The following PPFIA2 variants were observed in gnomAD, a reference collection of about 807,000 sequenced individuals.
PPFIA2 encodes the protein PPFI scaffold protein A2, also known as liprin-alpha-2.
A neutral mutation model predicts 175.5 loss-of-function variants in PPFIA2; 46 were observed. The ratio of observed to expected loss-of-function variants is 0.26; its 90% CI spans 0.21 to 0.34. The LOEUF (loss-of-function observed/expected upper bound fraction) is 0.34. PPFIA2 is among the 10% of genes least tolerant of loss of function. The pLI is 1.00. For missense variants in PPFIA2, 1,179 were observed against 1,506.1 expected (o/e 0.78, Z 3.60); for synonymous variants, 568 against 511.4 (o/e 1.11, Z -1.49).
chr12:81,536,675 CAATT>C (rs2065430028), intron 4 of PPFIA2, among the ~76,000 whole-genome samples: 1 of 144,714 alleles, frequency 6.9e-6, no homozygotes, highest in South Asian at 2.2e-4. Context: ...GCAGATTATT[CAATT>C]AATATATACA....
At chr12:81,521,003 A>G (rs879337269) in intron 4 of PPFIA2, among the ~76,000 whole-genome samples, 38 of 152,214 alleles carry the variant, frequency 2.5e-4, no homozygotes, top group Non-Finnish European at 4.7e-4. Flanking sequence ...TGTAAAACAT[A>G]ATAGCAGAAA....
At chr12:81,262,845 T>C (rs2036066969) in intron 31 of PPFIA2, among the ~76,000 whole-genome samples, 2 of 152,322 alleles carry the variant, frequency 1.3e-5, no homozygotes, top group Non-Finnish European at 1.5e-5. Context: ...TATTTAAACA[T>C]GTAGGGAGAC....
chr12:81,432,400 C>T (rs1467843146), intron 7 of PPFIA2, among the ~76,000 whole-genome samples: 1 of 151,710 alleles, frequency 6.6e-6, no homozygotes, highest in Admixed American at 6.6e-5. Flanking sequence ...CCACACCCAG[C>T]TTACAATTAG....
chr12:81,398,352 C>T (rs1386459467), intron 8 of PPFIA2, among the ~76,000 whole-genome samples: 1 of 152,056 alleles, frequency 6.6e-6, no homozygotes, highest in African/African-American at 2.4e-5. Flanking sequence ...CATGCTCAGT[C>T]TAATAAACTC....
chr12:81,567,915 C>T (rs1235321092), intron 4 of PPFIA2, among the ~76,000 whole-genome samples: 2 of 152,176 alleles, frequency 1.3e-5, no homozygotes, highest in African/African-American at 4.8e-5. Flanking sequence ...TGTAGGTGGC[C>T]TGGCAACCTC....
At chr12:81,580,871 T>C (rs954272651) in intron 4 of PPFIA2, among the ~76,000 whole-genome samples, 16 of 151,760 alleles carry the variant, frequency 1.1e-4, no homozygotes, top group Non-Finnish European at 1.8e-4. Flanking sequence ...AAAAAGTGTA[T>C]TTTTTTCCTT....
intron 7 of PPFIA2, among the ~76,000 whole-genome samples, chr12:81,419,405 T>C (rs1431527549): frequency 6.6e-6 from 1 of 152,088 alleles, no homozygotes; most frequent in Non-Finnish European, 1.5e-5. Context: ...CCATAAGTGT[T>C]ATTATTGTTG....
chr12:81,493,752 G>GTC (rs1295608097), intron 4 of PPFIA2, among the ~76,000 whole-genome samples: 1 of 65,240 alleles, frequency 1.5e-5, no homozygotes, highest in Non-Finnish European at 3.0e-5. Context: ...GTGTGTGTGT[G>GTC]TCTATATATA....
chr12:81,331,725 G>C (rs2056165241), intron 21 of PPFIA2, among the ~76,000 whole-genome samples: 1 of 152,086 alleles, frequency 6.6e-6, no homozygotes, highest in Non-Finnish European at 1.5e-5. Context: ...TAGTTAACGT[G>C]CTTTTCTGTT....
intron 4 of PPFIA2, among the ~76,000 whole-genome samples, chr12:81,564,550 T>C (rs1385546201): frequency 6.6e-6 from 1 of 152,208 alleles, no homozygotes; most frequent in Non-Finnish European, 1.5e-5. Context: ...CCAAAAATGC[T>C]AAGGACTCTA....
intron 16 of PPFIA2, among the ~76,000 whole-genome samples, chr12:81,355,152 G>C (rs908067822): frequency 1.3e-5 from 2 of 152,130 alleles, no homozygotes. Context: ...GCTACAGAAT[G>C]AATGTTGTGT....
intron 18 of PPFIA2, among the ~76,000 whole-genome samples, chr12:81,345,479 T>C (rs2140495687): frequency 6.6e-6 from 1 of 151,454 alleles, no homozygotes; most frequent in African/African-American, 2.4e-5. Context: ...CTGGCATCTT[T>C]CTCTCTCTCT....
intron 3 of PPFIA2, among the ~76,000 whole-genome samples, chr12:81,751,862 A>G (rs2083862545): frequency 6.6e-6 from 1 of 152,066 alleles, no homozygotes; most frequent in Admixed American, 6.5e-5. Flanking sequence ...TTTTTTCCTG[A>G]AGTATCTTGT....
intron 3 of PPFIA2, among the ~76,000 whole-genome samples, chr12:81,715,606 T>C (rs767711485): frequency 6.6e-6 from 1 of 151,748 alleles, no homozygotes. Context: ...ATACATTTGC[T>C]CTCAGTTTCC....
At chr12:81,604,174 AGTGGGTGACC>A (rs2060062863) in intron 4 of PPFIA2, among the ~76,000 whole-genome samples, 2 of 150,980 alleles carry the variant, frequency 1.3e-5, no homozygotes, top group African/African-American at 4.9e-5. Flanking sequence ...GGTGATTTCC[AGTGGGTGACC>A]ATGGCAAAAG....
chr12:81,630,105 G>A (rs540211424), intron 4 of PPFIA2, among the ~76,000 whole-genome samples: 1 of 152,276 alleles, frequency 6.6e-6, no homozygotes, highest in South Asian at 2.1e-4. Flanking sequence ...CTTGCAGTTG[G>A]AAAAGGCAAA....
At chr12:81,523,206 T>C (rs1456939670) in intron 4 of PPFIA2, among the ~76,000 whole-genome samples, 1 of 152,160 alleles carries the variant, frequency 6.6e-6, no homozygotes, top group Non-Finnish European at 1.5e-5. Flanking sequence ...GCTAAATAGC[T>C]AAATAGTCTC....
chr12:81,340,403 G>A (rs2057846207), intron 20 of PPFIA2, among the ~76,000 whole-genome samples: 1 of 151,980 alleles, frequency 6.6e-6, no homozygotes, highest in East Asian at 1.9e-4. Context: ...CAATTGATGA[G>A]ACAATAAGAG....
intron 14 of PPFIA2, among the ~76,000 whole-genome samples, chr12:81,365,072 T>C (rs1348822713): frequency 6.6e-6 from 1 of 151,686 alleles, no homozygotes; most frequent in Non-Finnish European, 1.5e-5. Flanking sequence ...GTAATCTAAA[T>C]TTGGATGTGC....
Sources: allele counts gnomAD v4.1 joint callset (sites outside exome capture counted in the v4.1 genomes callset), GRCh38; gene constraint gnomAD v4.1.1; transcripts MANE v1.5; gene names NCBI Gene and HGNC (gene_info 2026-07-23, HGNC 2026-07-21).